Variants in SLC9A9 observed in about 807,000 individuals in gnomAD.
The protein encoded by SLC9A9 is sodium/hydrogen exchanger 9.
In SLC9A9, 62 loss-of-function variants were observed where a neutral mutation model predicts 77.8. That is an observed-to-expected ratio of 0.80 (90% CI 0.65 to 0.98). The LOEUF is 0.98. SLC9A9 is among the 50% of genes least tolerant of loss of function. The pLI, the probability that SLC9A9 is intolerant of heterozygous loss-of-function variation, is 0.00. For missense variants in SLC9A9, 775 were observed against 774.9 expected, an observed-to-expected ratio of 1.00 and a Z score of 0.00; for synonymous variants, 320 against 283.5, an observed-to-expected ratio of 1.13 and a Z score of -1.29.
chr3:143,714,795 G>C (rs1934288658), intron 4 of SLC9A9, among the ~76,000 whole-genome samples: 1 of 152,228 alleles, frequency 6.6e-6, no homozygotes, highest in Non-Finnish European at 1.5e-5. Flanking sequence ...GCACTGGCAA[G>C]AGATCAGAGT....
intron 4 of SLC9A9, among the ~76,000 whole-genome samples, chr3:143,739,169 TGGG>T (rs1935019896): frequency 6.6e-6 from 1 of 152,060 alleles, no homozygotes; most frequent in African/African-American, 2.4e-5. Flanking sequence ...GCAGCTCTCG[TGGG>T]GCCCAGCGAG....
intron 5 of SLC9A9, among the ~76,000 whole-genome samples, chr3:143,656,135 T>TA (rs755460678): frequency 6.6e-6 from 1 of 152,152 alleles, no homozygotes; most frequent in Admixed American, 6.5e-5. Context: ...AGTTAGAGGC[T>TA]ACAGGAAGGT....
intron 11 of SLC9A9, among the ~76,000 whole-genome samples, chr3:143,481,660 A>G (rs1327573548): frequency 2.0e-5 from 3 of 152,208 alleles, no homozygotes; most frequent in Non-Finnish European, 4.4e-5. Flanking sequence ...TGAATTACCT[A>G]GGGATCTGTT....
At chr3:143,573,115 C>T (rs6784124) in intron 8 of SLC9A9, among the ~76,000 whole-genome samples, 18,194 of 152,152 alleles carry the variant, frequency 0.12, 1,517 homozygotes, top group African/African-American at 0.24. Flanking sequence ...AATGAAATCA[C>T]CTATGAAAGA....
chr3:143,532,822 A>G (rs62269771), intron 9 of SLC9A9, among the ~76,000 whole-genome samples: 19,586 of 152,194 alleles, frequency 0.13, 1,311 homozygotes, highest in Non-Finnish European at 0.14. Context: ...CAGTCCCTCA[A>G]GTGACCCAGG....
chr3:143,605,356 A>G (rs2037903851), intron 6 of SLC9A9, among the ~76,000 whole-genome samples: 1 of 152,210 alleles, frequency 6.6e-6, no homozygotes. Flanking sequence ...CTGCAAGGCC[A>G]CACCTGTGAT....
Position 143,467,180 on chromosome 3 carries a change from T to G in SLC9A9, c.1326A>C (p.Gly442=), listed in dbSNP as rs767248010. ...GAATAGCTAAGGCAAATGCGATCGC[T>G]CCTCGCAAACCTTGCAGGAAAAACC... ...QHMMMFSGLR[G]AIAFALAIRN... The change falls in exon 12 of 16, where the codon GGA becomes GGC. Residue 442 remains glycine (G), a synonymous_variant. Transcript: ENST00000316549. The G allele has an allele frequency of 2.4e-5, 38 of 1,614,038 alleles. No individual in the cohort carries two copies. Among genetic ancestry groups the G allele is most frequent in the Non-Finnish European group, 3.1e-5 (37 of 1,180,004 alleles).
chr3:143,296,862 T>C (rs902573238), intron 14 of SLC9A9, among the ~76,000 whole-genome samples: 1 of 152,186 alleles, frequency 6.6e-6, no homozygotes, highest in Non-Finnish European at 1.5e-5. Context: ...CCTTTGCCCA[T>C]TTTTAAATTG....
intron 14 of SLC9A9, among the ~76,000 whole-genome samples, chr3:143,300,546 T>C (rs1394018995): frequency 6.6e-6 from 1 of 152,240 alleles, no homozygotes. Flanking sequence ...TCTGATTCAG[T>C]AGGCCTGGGG....
At chr3:143,363,358 G>T in intron 14 of SLC9A9, 126 bp downstream of exon 14, 2 of 835,230 alleles carry the variant, frequency 2.4e-6, no homozygotes, top group South Asian at 1.4e-5. Flanking sequence ...TTATAAGTTT[G>T]GCTGTGAATT....
At chr3:143,352,190 G>A (rs1278419767) in intron 14 of SLC9A9, among the ~76,000 whole-genome samples, 2 of 152,230 alleles carry the variant, frequency 1.3e-5, no homozygotes, top group Non-Finnish European at 2.9e-5. Context: ...GAACGGCAAA[G>A]GGCTTGGCAC....
chr3:143,414,603 C>T (rs1446326083), intron 12 of SLC9A9, among the ~76,000 whole-genome samples: 2 of 152,182 alleles, frequency 1.3e-5, no homozygotes, highest in African/African-American at 2.4e-5. Flanking sequence ...TGTTCTGGGA[C>T]ACCACAGACA....
At chr3:143,846,225 G>A (rs2009827577) in intron 1 of SLC9A9, among the ~76,000 whole-genome samples, 1 of 152,182 alleles carries the variant, frequency 6.6e-6, no homozygotes, top group African/African-American at 2.4e-5. Flanking sequence ...ATGAGTCATA[G>A]TTCAATCAAA....
At chr3:143,618,688 C>T (rs1283479446) in intron 6 of SLC9A9, among the ~76,000 whole-genome samples, 1 of 152,172 alleles carries the variant, frequency 6.6e-6, no homozygotes, top group Non-Finnish European at 1.5e-5. Context: ...GGAGACATTT[C>T]TTGCCTGATG....
chr3:143,615,320 C>G (rs1342966147), intron 6 of SLC9A9, among the ~76,000 whole-genome samples: 1 of 152,200 alleles, frequency 6.6e-6, no homozygotes, highest in Admixed American at 6.5e-5. Context: ...TTCAAACTCA[C>G]TTTATGAATG....
chr3:143,785,159 T>G (rs2008008842), intron 4 of SLC9A9, among the ~76,000 whole-genome samples: 1 of 152,232 alleles, frequency 6.6e-6, no homozygotes, highest in Non-Finnish European at 1.5e-5. Context: ...TGTGACATTA[T>G]TATACTTCCC....
intron 14 of SLC9A9, among the ~76,000 whole-genome samples, chr3:143,309,226 C>T (rs1213208750): frequency 6.6e-6 from 1 of 152,096 alleles, no homozygotes; most frequent in African/African-American, 2.4e-5. Flanking sequence ...CATGAACAGT[C>T]TGAGGCTTGG....
At chr3:143,404,604 C>T (rs2033936050) in intron 12 of SLC9A9, among the ~76,000 whole-genome samples, 1 of 152,014 alleles carries the variant, frequency 6.6e-6, no homozygotes, top group Non-Finnish European at 1.5e-5. Context: ...CTCTTTTTTC[C>T]CCCTCTTTAT....
chr3:143,693,402 C>A, intron 4 of SLC9A9, 95 bp from the exon 5 acceptor site: 3 of 1,001,434 alleles, frequency 3.0e-6, no homozygotes, highest in Non-Finnish European at 4.7e-6. Context: ...TTCCTGAATA[C>A]GTATCATGCA....
Sources: gnomAD v4.1 joint callset for allele counts (sites outside exome capture counted in the v4.1 genomes callset) on GRCh38, gnomAD v4.1.1 for gene constraint, MANE v1.5 for transcripts, NCBI Gene and HGNC (gene_info 2026-07-23, HGNC 2026-07-21) for gene names.